ZFR: variants seen among roughly 807,000 people sequenced by gnomAD.
ZFR encodes the protein zinc finger RNA binding protein.
A neutral mutation model predicts 130.7 loss-of-function variants in ZFR; 19 were observed. The observed-to-expected ratio is 0.15, with a 90% confidence interval of 0.10 to 0.21. The LOEUF (loss-of-function observed/expected upper bound fraction) is 0.21. Among genes scored for constraint, ZFR ranks in the 10% least tolerant of loss-of-function variants. The pLI, the probability that ZFR is intolerant of heterozygous loss-of-function variation, is 1.00. For synonymous variants in ZFR, 466 were observed against 456.9 expected, an observed-to-expected ratio of 1.02 and a Z score of -0.25; for missense variants, 872 against 1,321.5, an observed-to-expected ratio of 0.66 and a Z score of 5.27.
intron 17 of ZFR, chr5:32,364,754 A>T (rs1311514568): frequency 6.7e-6 from 1 of 150,224 alleles, no homozygotes; most frequent in South Asian, 2.1e-4. Flanking sequence ...CAAACAAAAA[A>T]ACAAAAAAAA....
At chr5:32,397,076 C>T in intron 10 of ZFR, 143 bp downstream of exon 10, 2 of 857,380 alleles carry the variant, frequency 2.3e-6, no homozygotes, top group Non-Finnish European at 3.4e-6. Flanking sequence ...CTGAGTCTAC[C>T]AACATGACAT....
chr5:32,440,097 T>C (rs757517040), intron 2 of ZFR, among the ~76,000 whole-genome samples: 4 of 152,208 alleles, frequency 2.6e-5, no homozygotes, highest in Non-Finnish European at 5.9e-5. Context: ...GTCATAATAG[T>C]TCTCTCCGCA....
At chr5:32,385,031 T>TTA (rs956466876) in intron 15 of ZFR, among the ~76,000 whole-genome samples, 13 of 152,128 alleles carry the variant, frequency 8.5e-5, no homozygotes, top group East Asian at 5.8e-4. Context: ...AAATCCATTA[T>TTA]TATATATATA....
chr5:32,412,737 G>A (rs1276677612), intron 5 of ZFR, among the ~76,000 whole-genome samples: 1 of 152,114 alleles, frequency 6.6e-6, no homozygotes, highest in Non-Finnish European at 1.5e-5. Flanking sequence ...AAAGCATATT[G>A]CTTATAAACT....
At chr5:32,362,946 A>G (rs1303124110) in intron 19 of ZFR, among the ~76,000 whole-genome samples, 1 of 152,230 alleles carries the variant, frequency 6.6e-6, no homozygotes, top group Non-Finnish European at 1.5e-5. Context: ...GGGAGAAAGA[A>G]CAGACACTTA....
At chr5:32,357,641 T>C (rs990984463) in intron 19 of ZFR, among the ~76,000 whole-genome samples, 2 of 152,202 alleles carry the variant, frequency 1.3e-5, no homozygotes, top group Admixed American at 6.5e-5. Flanking sequence ...AAAGATACCA[T>C]ATGAAATTTC....
chr5:32,392,038 G>C (rs1345527843), intron 11 of ZFR, among the ~76,000 whole-genome samples: 1 of 152,180 alleles, frequency 6.6e-6, no homozygotes, highest in Non-Finnish European at 1.5e-5. Flanking sequence ...CCAGCCAGCA[G>C]TGCTTTTTAG....
chr5:32,394,108 G>A (rs1223370922), intron 11 of ZFR, among the ~76,000 whole-genome samples: 2 of 152,142 alleles, frequency 1.3e-5, no homozygotes, highest in African/African-American at 2.4e-5. Context: ...ATGAAAATAC[G>A]TGTATGGTAT....
intron 2 of ZFR, among the ~76,000 whole-genome samples, chr5:32,422,798 C>CAAAAAAAAAAAAAA (rs10693151): frequency 3.7e-4 from 9 of 24,004 alleles, no homozygotes; most frequent in African/African-American, 1.3e-3. Context: ...AAACCTGTCT[C>CAAAAAAAAAAAAAA]AAAAAAAAAA....
intron 17 of ZFR, among the ~76,000 whole-genome samples, chr5:32,366,632 A>G (rs17527362): frequency 0.3 from 45,880 of 152,038 alleles, 7,471 homozygotes; most frequent in Middle Eastern, 0.44. Context: ...CTCCAAGCAC[A>G]TGTCTACAGT....
At chr5:32,401,498 A>C (rs1300634281) in intron 8 of ZFR, among the ~76,000 whole-genome samples, 1 of 152,244 alleles carries the variant, frequency 6.6e-6, no homozygotes, top group Admixed American at 6.5e-5. Flanking sequence ...AAAAAGAAAA[A>C]AATAGCATGT....
At chr5:32,377,729 C>A (rs747555805) in intron 17 of ZFR, among the ~76,000 whole-genome samples, 4 of 151,908 alleles carry the variant, frequency 2.6e-5, no homozygotes, top group Non-Finnish European at 5.9e-5. Flanking sequence ...ACTCTGTCAC[C>A]CAGACTAGAG....
At chr5:32,432,926 G>A (rs775073760) in intron 2 of ZFR, among the ~76,000 whole-genome samples, 10 of 149,554 alleles carry the variant, frequency 6.7e-5, no homozygotes, top group African/African-American at 2.2e-4. Context: ...CAGAGATGAG[G>A]TCTTGCTATG....
At chr5:32,362,631 C>G (rs1484537744) in intron 19 of ZFR, among the ~76,000 whole-genome samples, 1 of 152,158 alleles carries the variant, frequency 6.6e-6, no homozygotes, top group Non-Finnish European at 1.5e-5. Flanking sequence ...CCCTTTAGAG[C>G]CATGCCATTC....
intron 2 of ZFR, among the ~76,000 whole-genome samples, chr5:32,425,727 T>C (rs1754059633): frequency 6.6e-6 from 1 of 152,192 alleles, no homozygotes; most frequent in Non-Finnish European, 1.5e-5. Context: ...GGTTTCACCA[T>C]GTTGGCCAGG....
At chr5:32,432,872 G>A (rs1754254226) in intron 2 of ZFR, among the ~76,000 whole-genome samples, 1 of 151,080 alleles carries the variant, frequency 6.6e-6, no homozygotes. Context: ...GGGACCACAG[G>A]TGTACTCCAC....
chr5:32,406,547 C>CG (rs1460086084), intron 6 of ZFR, among the ~76,000 whole-genome samples: 2 of 151,514 alleles, frequency 1.3e-5, no homozygotes, highest in African/African-American at 4.8e-5. Flanking sequence ...AGTCTCTTTC[C>CG]GGAAAAAAAA....
intron 2 of ZFR, among the ~76,000 whole-genome samples, chr5:32,422,729 G>A (rs1457123694): frequency 1.4e-5 from 2 of 140,932 alleles, no homozygotes; most frequent in Non-Finnish European, 3.0e-5. Flanking sequence ...GAGCAGAGGA[G>A]GTTGAGGCTA....
At chr5:32,369,905 G>A (rs564012350) in intron 17 of ZFR, among the ~76,000 whole-genome samples, 4 of 151,926 alleles carry the variant, frequency 2.6e-5, no homozygotes, top group East Asian at 1.9e-4. Flanking sequence ...CTCCATTACC[G>A]CAAAGTAAAC....
Sources: gnomAD v4.1 joint callset for allele counts (sites outside exome capture counted in the v4.1 genomes callset) on GRCh38, gnomAD v4.1.1 for gene constraint, MANE v1.5 for transcripts, NCBI Gene and HGNC (gene_info 2026-07-23, HGNC 2026-07-21) for gene names.